The following RGL1 variants were observed in gnomAD, a reference collection of about 807,000 sequenced individuals.
RGL1 encodes the protein ral guanine nucleotide dissociation stimulator like 1.
In RGL1, 24 loss-of-function variants were observed where a neutral mutation model predicts 95.2. The ratio of observed to expected loss-of-function variants is 0.25; its 90% CI spans 0.18 to 0.35. RGL1 has a LOEUF of 0.35. Among genes scored for constraint, RGL1 ranks in the 10% least tolerant of loss-of-function variants. The pLI is 1.00. For synonymous variants in RGL1, 329 were observed against 344.9 expected, an observed-to-expected ratio of 0.95 and a Z score of 0.51; for missense variants, 715 against 936.3, an observed-to-expected ratio of 0.76 and a Z score of 3.08.
intron 2 of RGL1, among the ~76,000 whole-genome samples, chr1:183,758,657 C>T (rs563579462): frequency 3.2e-4 from 49 of 152,112 alleles, no homozygotes; most frequent in South Asian, 3.1e-3. Context: ...TTTGGGGTCC[C>T]TTTTATAAGG....
At chr1:183,923,760 G>A (rs943672434) in intron 17 of RGL1, among the ~76,000 whole-genome samples, 2 of 152,218 alleles carry the variant, frequency 1.3e-5, no homozygotes, top group South Asian at 4.1e-4. Context: ...TTACTGACCT[G>A]TGAGTATGTG....
At chr1:183,793,875 C>T (rs1007006255) in intron 2 of RGL1, among the ~76,000 whole-genome samples, 1 of 151,978 alleles carries the variant, frequency 6.6e-6, no homozygotes, top group African/African-American at 2.4e-5. Context: ...AATTACCATG[C>T]GATCCAGCAA....
At chr1:183,745,244 A>G (rs1657551600) in intron 2 of RGL1, among the ~76,000 whole-genome samples, 1 of 152,088 alleles carries the variant, frequency 6.6e-6, no homozygotes, top group African/African-American at 2.4e-5. Flanking sequence ...ATTTCTGGAA[A>G]CTAATGTTTT....
intron 2 of RGL1, among the ~76,000 whole-genome samples, chr1:183,764,367 T>C (rs1055779851): frequency 6.6e-6 from 1 of 152,078 alleles, no homozygotes; most frequent in African/African-American, 2.4e-5. Flanking sequence ...AACTGATCAA[T>C]AGGAAGTAGA....
chr1:183,741,163 G>A (rs1331438731), intron 1 of RGL1, among the ~76,000 whole-genome samples: 4 of 152,166 alleles, frequency 2.6e-5, no homozygotes. Context: ...GGGAGGTGGA[G>A]AAAGCCAGAC....
At chr1:183,659,989 T>G (rs1017642690) in intron 1 of RGL1, among the ~76,000 whole-genome samples, 8 of 151,486 alleles carry the variant, frequency 5.3e-5, no homozygotes, top group African/African-American at 1.9e-4. Context: ...ATAAAATACT[T>G]TACAGACAAG....
chr1:183,795,691 GGATTTAA>G (rs1276267926), intron 2 of RGL1, among the ~76,000 whole-genome samples: 1 of 152,220 alleles, frequency 6.6e-6, no homozygotes, highest in Non-Finnish European at 1.5e-5. Flanking sequence ...GCCACTGGAG[GGATTTAA>G]GAACAGGAAA....
At chr1:183,643,213 A>C (rs1276025285) in intron 1 of RGL1, among the ~76,000 whole-genome samples, 1 of 152,154 alleles carries the variant, frequency 6.6e-6, no homozygotes, top group East Asian at 1.9e-4. Context: ...TATTGTGAAT[A>C]ATACTGCTAT....
chr1:183,735,295 T>C (rs1412084376), intron 1 of RGL1, among the ~76,000 whole-genome samples: 1 of 152,228 alleles, frequency 6.6e-6, no homozygotes, highest in Non-Finnish European at 1.5e-5. Flanking sequence ...TTGGAGACAC[T>C]ATATAATTAA....
At position 183,818,851 on chromosome 1, in the gene RGL1, A is replaced by G. The variant is rs578150819; in HGVS notation, c.138+12366A>G. 1.3e-4 allele frequency among the ~76,000 whole-genome samples: 20 copies of G among 152,306 alleles called. No individual in the cohort carries two copies. The East Asian group carries it at 3.3e-3, about 25-fold the overall frequency. On this transcript the variant is annotated intron_variant, in intron 2 of 17. Coordinates refer to ENST00000360851, the MANE Select transcript of RGL1 (RefSeq NM_001297671.3). ...ACATTGAAGCAGCTAAATTTAGCTT[A>G]TATTTTATACTCCAACTACTGATAA... is the stretch of plus-strand genomic sequence containing the variant.
intron 14 of RGL1, among the ~76,000 whole-genome samples, chr1:183,911,290 A>G (rs1668627272): frequency 6.6e-6 from 1 of 152,202 alleles, no homozygotes; most frequent in East Asian, 1.9e-4. Flanking sequence ...TCAGGCAAGA[A>G]CAGTCTCCCT....
At chr1:183,649,419 A>G (rs1425358757) in intron 1 of RGL1, among the ~76,000 whole-genome samples, 9 of 152,244 alleles carry the variant, frequency 5.9e-5, no homozygotes, top group Admixed American at 2.0e-4. Context: ...CATCTAATGT[A>G]TTGTGCAGAA....
intron 1 of RGL1, among the ~76,000 whole-genome samples, chr1:183,703,704 A>G (rs1558162120): frequency 6.6e-6 from 1 of 152,218 alleles, no homozygotes; most frequent in Non-Finnish European, 1.5e-5. Context: ...AGACTAGAAG[A>G]TAGTGGAGCT....
chr1:183,801,179 T>TG (rs367907447), upstream of RGL1, among the ~76,000 whole-genome samples: 2,653 of 126,134 alleles, frequency 0.021, 39 homozygotes, highest in Non-Finnish European at 0.029. Flanking sequence ...GTGTGTGTGT[T>TG]TAATAATGGC....
At chr1:183,850,671 T>C (rs1664777829) in intron 3 of RGL1, among the ~76,000 whole-genome samples, 1 of 152,172 alleles carries the variant, frequency 6.6e-6, no homozygotes, top group Non-Finnish European at 1.5e-5. Flanking sequence ...GAATATAAAC[T>C]TGGATTGGTG....
chr1:183,749,164 C>G (rs975418847), intron 2 of RGL1, among the ~76,000 whole-genome samples: 7 of 152,108 alleles, frequency 4.6e-5, no homozygotes, highest in African/African-American at 1.7e-4. Flanking sequence ...AGTTCAAGTC[C>G]TGAATATCCT....
intron 1 of RGL1, among the ~76,000 whole-genome samples, chr1:183,670,813 T>C (rs1652391884): frequency 6.6e-6 from 1 of 152,264 alleles, no homozygotes; most frequent in Non-Finnish European, 1.5e-5. Context: ...TTTTTAATGC[T>C]GAATAATATT....
intron 2 of RGL1, among the ~76,000 whole-genome samples, chr1:183,840,185 T>C (rs2102514540): frequency 6.6e-6 from 1 of 152,306 alleles, no homozygotes; most frequent in Admixed American, 6.5e-5. Flanking sequence ...GGTCTTATGA[T>C]CTACTATCAG....
At chr1:183,657,740 G>A (rs1364933720) in intron 1 of RGL1, among the ~76,000 whole-genome samples, 4 of 151,310 alleles carry the variant, frequency 2.6e-5, no homozygotes, top group African/African-American at 4.9e-5. Flanking sequence ...GAATAGTGCC[G>A]CAATAAACAT....
Sources: allele counts gnomAD v4.1 joint callset (sites outside exome capture counted in the v4.1 genomes callset), GRCh38; gene constraint gnomAD v4.1.1; transcripts MANE v1.5; gene names NCBI Gene and HGNC (gene_info 2026-07-23, HGNC 2026-07-21).